Variants in TNR observed in about 807,000 individuals in gnomAD.
The protein encoded by TNR is tenascin-R.
Under a neutral mutation model 150.4 loss-of-function variants are expected in TNR, and 45 were observed. The observed-to-expected ratio is 0.30, with a 90% CI of 0.24 to 0.38. The LOEUF (loss-of-function observed/expected upper bound fraction) is 0.38, where lower values mean the gene tolerates loss of function less well. Ranked by LOEUF, TNR falls within the 10% of genes least tolerant of loss-of-function variation. The pLI is 1.00. For synonymous variants in TNR, 687 were observed against 678.4 expected, an observed-to-expected ratio of 1.01 and a Z score of -0.20; for missense variants, 1,544 against 1,759.1, an observed-to-expected ratio of 0.88 and a Z score of 2.19.
At chr1:175,604,279 T>C (rs1032244001) in intron 1 of TNR, among the ~76,000 whole-genome samples, 5 of 152,046 alleles carry the variant, frequency 3.3e-5, no homozygotes, top group African/African-American at 1.2e-4. Context: ...AGTGTTCAGG[T>C]GCAGTTCTAA....
intron 2 of TNR, among the ~76,000 whole-genome samples, chr1:175,477,937 G>A (rs1471845366): frequency 6.6e-6 from 1 of 152,172 alleles, no homozygotes; most frequent in African/African-American, 2.4e-5. Flanking sequence ...TGCAAAGTAA[G>A]TGCTTAATCT....
chr1:175,628,588 C>T (rs1447495833), intron 1 of TNR, among the ~76,000 whole-genome samples: 1 of 151,522 alleles, frequency 6.6e-6, no homozygotes, highest in Admixed American at 6.6e-5. Context: ...CATATGAGCT[C>T]ATTGGGTGGT....
intron 1 of TNR, among the ~76,000 whole-genome samples, chr1:175,551,710 A>G (rs1322822129): frequency 6.6e-6 from 1 of 152,250 alleles, no homozygotes; most frequent in African/African-American, 2.4e-5. Context: ...AGGACAACCA[A>G]TAAGTTATAG....
At chr1:175,354,551 T>C in intron 17 of TNR, 28 bp from the exon 18 acceptor site, 1 of 1,613,324 alleles carries the variant, frequency 6.2e-7, no homozygotes, top group Non-Finnish European at 8.5e-7. Flanking sequence ...GGAAGGGTGG[T>C]GGAAGGGAGC....
intron 1 of TNR, among the ~76,000 whole-genome samples, chr1:175,589,977 C>T (rs935470601): frequency 6.6e-6 from 1 of 152,042 alleles, no homozygotes; most frequent in Admixed American, 6.5e-5. Flanking sequence ...GCACATGTAT[C>T]CCAGAACCTA....
chr1:175,547,611 AAC>A lies in TNR; in HGVS notation c.-164-19244_-164-19243del, dbSNP rs1478638784. Among the ~76,000 whole-genome samples the A allele has an allele frequency of 3.5e-3, 63 of 17,824 alleles. 1 individual carries two copies. The highest frequency in any genetic ancestry group is 8.1e-3 in the African/African-American group (58 of 7,124). 11.7% of individuals were successfully genotyped at this position (17,824 alleles called of 152,430 possible). A position where few individuals can be genotyped will look rare whatever the true frequency, so the allele number is the denominator to read the frequency against. On this transcript the variant is annotated intron_variant, in intron 1 of 22. Transcript: ENST00000367674. ...AAAGAAAGAAAGAAAGAAAGAAAGA[AAC>A]AAAGAAACAAAGAAAGAAAGAAAGA... is the stretch of plus-strand genomic sequence containing the variant.
chr1:175,378,103 A>C (rs1435867019), intron 9 of TNR, among the ~76,000 whole-genome samples: 1 of 152,074 alleles, frequency 6.6e-6, no homozygotes, highest in Admixed American at 6.6e-5. Context: ...CAGCCTCCTA[A>C]CCAGTCTTCC....
intron 21 of TNR, among the ~76,000 whole-genome samples, chr1:175,328,704 C>A (rs752729877): frequency 1.1e-4 from 16 of 152,170 alleles, no homozygotes; most frequent in Non-Finnish European, 2.2e-4. Flanking sequence ...AGCGCACAGT[C>A]CAACTGTTCT....
rs138394038 is a variant in TNR at position 175,390,531 on chromosome 1, G to A, written c.1507+757C>T. Among the ~76,000 whole-genome samples the A allele has an allele frequency of 5.3e-5, 8 of 152,292 alleles. No homozygotes were observed. The East Asian group carries it at 1.3e-3, about 26-fold the overall frequency. ...ATCACAATAGCTAATTTACAGCATT[G>A]AAGTTGAACACTCTTTGTTAGCTGA... On this transcript the variant is annotated intron_variant, in intron 7 of 22. Transcript: ENST00000367674.
intron 5 of TNR, 81 bp from the exon 6 acceptor site, chr1:175,393,976 A>C (rs1391034300): frequency 5.4e-6 from 6 of 1,103,192 alleles, no homozygotes; most frequent in Non-Finnish European, 8.3e-6. Context: ...GTCTTGGTGA[A>C]CTCCCTCCAC....
intron 2 of TNR, among the ~76,000 whole-genome samples, chr1:175,436,196 T>C (rs1306226116): frequency 2.0e-5 from 3 of 152,226 alleles, no homozygotes; most frequent in African/African-American, 4.8e-5. Flanking sequence ...CCTTGCTAGA[T>C]TGGGGAAGTT....
intron 8 of TNR, among the ~76,000 whole-genome samples, chr1:175,380,673 G>A (rs1040008413): frequency 6.6e-6 from 1 of 152,108 alleles, no homozygotes; most frequent in Admixed American, 6.5e-5. Context: ...GTTCTCTGCA[G>A]TTGCCACAAA....
intron 1 of TNR, among the ~76,000 whole-genome samples, chr1:175,588,610 C>A (rs60500016): frequency 6.6e-6 from 1 of 152,134 alleles, no homozygotes; most frequent in East Asian, 1.9e-4. Context: ...TAATCAAACA[C>A]GGGCTGCTCT....
At chr1:175,526,827 T>C (rs1343556774) in intron 2 of TNR, among the ~76,000 whole-genome samples, 1 of 152,224 alleles carries the variant, frequency 6.6e-6, no homozygotes, top group Non-Finnish European at 1.5e-5. Flanking sequence ...TGGTAACTCC[T>C]GCAATTCCAA....
At chr1:175,485,978 A>G (rs1261787062) in intron 2 of TNR, among the ~76,000 whole-genome samples, 2 of 152,136 alleles carry the variant, frequency 1.3e-5, no homozygotes, top group African/African-American at 2.4e-5. Flanking sequence ...TAACCTACCC[A>G]AAGTCACTCT....
chr1:175,729,171 T>G (rs995285650), intron 1 of TNR, among the ~76,000 whole-genome samples: 8 of 152,180 alleles, frequency 5.3e-5, no homozygotes, highest in African/African-American at 1.9e-4. Flanking sequence ...TCCTTCCATT[T>G]TTTTTAAACA....
rs1224483187 is a variant in TNR, at chr1:175,318,224, A to G, written c.*5133T>C. The G allele has an allele frequency of 6.6e-6, 1 of 152,264 alleles. No individual in the cohort carries two copies. The highest frequency in any genetic ancestry group is 1.5e-5 in the Non-Finnish European group (1 of 68,066). 9.4% of individuals were successfully genotyped at this position (152,264 alleles called of 1,614,324 possible). On this transcript the variant is annotated 3_prime_UTR_variant, in exon 23 of 23. Coordinates refer to ENST00000367674, the MANE Select transcript of TNR (RefSeq NM_003285.3). ...CTGGAGGCCAGAACGTGAGAAGCCAATGCTGCTTCCTCTCCCATGGCCGCT... is the reference window on the plus strand; with the variant it reads ...CTGGAGGCCAGAACGTGAGAAGCCAGTGCTGCTTCCTCTCCCATGGCCGCT...
chr1:175,442,308 C>T lies in TNR; in HGVS notation c.-63-35531G>A, dbSNP rs535865119. On this transcript the variant is annotated intron_variant, in intron 2 of 22. Coordinates refer to ENST00000367674, the MANE Select transcript of TNR (RefSeq NM_003285.3). ...AGTCTCATAAATTAGGACAAGACGA[C>T]CCCCCATCAGTTTGGCTCTGGATCA... Among the ~76,000 whole-genome samples the T allele has an allele frequency of 3.9e-5, 6 of 152,144 alleles. No individual in the cohort carries two copies. The East Asian group carries it at 1.2e-3, about 29-fold the overall frequency.
chr1:175,650,814 C>CCTCT (rs1664947327), intron 1 of TNR, among the ~76,000 whole-genome samples: 6 of 122,862 alleles, frequency 4.9e-5, no homozygotes, highest in Admixed American at 1.6e-4. Context: ...ACTACCTGTC[C>CCTCT]CCCACCTCCT....
Sources: allele counts gnomAD v4.1 joint callset (sites outside exome capture counted in the v4.1 genomes callset), GRCh38; gene constraint gnomAD v4.1.1; transcripts MANE v1.5; gene names NCBI Gene and HGNC (gene_info 2026-07-23, HGNC 2026-07-21).